Variants in XXYLT1 observed in about 807,000 individuals in gnomAD.
XXYLT1 encodes the protein xyloside xylosyltransferase 1, also known as UDP-xylose:alpha-xyloside alpha-1,3-xylosyltransferase.
XXYLT1 carries 20 observed loss-of-function variants against 28.9 expected under a neutral mutation model. The ratio of observed to expected loss-of-function variants is 0.69; its 90% CI spans 0.49 to 1.00. The LOEUF is 1.00. XXYLT1 is among the 50% of genes least tolerant of loss of function. The pLI is 0.00. For missense variants in XXYLT1, 542 were observed against 560.1 expected, an observed-to-expected ratio of 0.97 and a Z score of 0.33; for synonymous variants, 257 against 253.8, an observed-to-expected ratio of 1.01 and a Z score of -0.12.
intron 2 of XXYLT1, 57 bp downstream of exon 2, chr3:195,226,652 G>C (rs188336707): frequency 1.3e-6 from 2 of 1,584,448 alleles, no homozygotes; most frequent in East Asian, 4.5e-5. Flanking sequence ...TGGAACCAGG[G>C]AAATGGATGC....
intron 3 of XXYLT1, among the ~76,000 whole-genome samples, chr3:195,082,885 C>T (rs1715515815): frequency 6.6e-6 from 1 of 152,120 alleles, no homozygotes; most frequent in Non-Finnish European, 1.5e-5. Context: ...TAAGGCACCC[C>T]CCCTGCCAAG....
chr3:195,250,645 C>T (rs1725216445), intron 1 of XXYLT1, among the ~76,000 whole-genome samples: 1 of 151,954 alleles, frequency 6.6e-6, no homozygotes, highest in African/African-American at 2.4e-5. Context: ...ATGTACTCAC[C>T]TGCTAACATA....
At chr3:195,110,982 G>A (rs1451923803) in intron 3 of XXYLT1, among the ~76,000 whole-genome samples, 1 of 147,670 alleles carries the variant, frequency 6.8e-6, no homozygotes, top group African/African-American at 2.5e-5. Flanking sequence ...TTCTAGGGCT[G>A]CCACGACAAA....
At chr3:195,189,061 A>G (rs536360864) in intron 2 of XXYLT1, among the ~76,000 whole-genome samples, 4 of 152,328 alleles carry the variant, frequency 2.6e-5, no homozygotes, top group African/African-American at 9.6e-5. Context: ...CAGTCCCTAC[A>G]CTGAGTGATT....
chr3:195,202,278 T>C (rs1342435609), intron 2 of XXYLT1, among the ~76,000 whole-genome samples: 4 of 151,656 alleles, frequency 2.6e-5, no homozygotes, highest in South Asian at 2.1e-4. Flanking sequence ...CAAAGAACTA[T>C]AGAGACACTG....
rs552603967 is a variant in XXYLT1, at chr3:195,258,584, G to A, written c.504+11971C>T. Among the ~76,000 whole-genome samples, 48 of 152,324 alleles carry A rather than the reference G, an allele frequency of 3.2e-4. No homozygotes were observed. The South Asian group carries it at 4.4e-3, about 14-fold the overall frequency. ...AAGACTACAAAGGCTTCATCATCCT[G>A]ACAAGCAGCAGCTCCCACTCCAGAG... On this transcript the variant is annotated intron_variant, in intron 1 of 3. Coordinates refer to ENST00000310380, the MANE Select transcript of XXYLT1 (RefSeq NM_152531.5).
intron 1 of XXYLT1, chr3:195,259,626 A>C: frequency 1.0e-6 from 1 of 985,464 alleles, no homozygotes; most frequent in Non-Finnish European, 1.2e-6. Flanking sequence ...CGCGTGCGAC[A>C]GGCCTGTAAG....
rs1323570540 is a variant in XXYLT1 at position 195,270,867 on chromosome 3, G to A, written c.192C>T (p.Ala64=). The A allele has an allele frequency of 7.1e-7, 1 of 1,410,638 alleles. No individual in the cohort carries two copies. Among genetic ancestry groups the A allele is most frequent in the African/African-American group, 1.5e-5 (1 of 65,990 alleles). 87.4% of individuals were successfully genotyped at this position (1,410,638 alleles called of 1,614,324 possible). ...RLKEARAGAP[A]APSPPALELA... Reference sequence around the variant, plus strand: ...GCTCCAGCGCGGGCGGCGAGGGCGCGGCGGGAGCCCCGGCGCGGGCCTCCT... The same window carrying A: ...GCTCCAGCGCGGGCGGCGAGGGCGCAGCGGGAGCCCCGGCGCGGGCCTCCT... Residue 64 remains alanine (A), a synonymous_variant, in exon 1 of 4, where the codon GCC becomes GCT. Coordinates refer to ENST00000310380, the MANE Select transcript of XXYLT1 (RefSeq NM_152531.5).
chr3:195,084,817 A>G (rs2108652040), intron 3 of XXYLT1, among the ~76,000 whole-genome samples: 1 of 152,314 alleles, frequency 6.6e-6, no homozygotes, highest in East Asian at 1.9e-4. Flanking sequence ...TGAATCACAC[A>G]GACACCCTCA....
intron 2 of XXYLT1, among the ~76,000 whole-genome samples, chr3:195,164,288 C>T (rs2108699048): frequency 6.6e-6 from 1 of 152,328 alleles, no homozygotes; most frequent in Non-Finnish European, 1.5e-5. Flanking sequence ...GATCCCCTTT[C>T]CCTGTTCATG....
At chr3:195,196,827 A>C (rs1220281368) in intron 2 of XXYLT1, among the ~76,000 whole-genome samples, 1 of 152,234 alleles carries the variant, frequency 6.6e-6, no homozygotes, top group Non-Finnish European at 1.5e-5. Context: ...CTGGCTATCA[A>C]TGTTGGCTGA....
chr3:195,248,344 G>C (rs770761224), intron 1 of XXYLT1, among the ~76,000 whole-genome samples: 1 of 152,180 alleles, frequency 6.6e-6, no homozygotes, highest in Non-Finnish European at 1.5e-5. Context: ...CACCTGCTGT[G>C]GGAGGGACTG....
intron 2 of XXYLT1, among the ~76,000 whole-genome samples, chr3:195,181,619 G>A (rs1196034708): frequency 4.6e-5 from 7 of 152,152 alleles, no homozygotes; most frequent in African/African-American, 1.7e-4. Flanking sequence ...CGAGATAGGT[G>A]TATTTCCATG....
chr3:195,132,126 A>G (rs1347844527), intron 3 of XXYLT1, among the ~76,000 whole-genome samples: 1 of 152,246 alleles, frequency 6.6e-6, no homozygotes. Context: ...CACACCGCTA[A>G]GGCCTGAAGC....
At chr3:195,134,607 C>T (rs1451593815) in intron 3 of XXYLT1, 2 of 155,908 alleles carry the variant, frequency 1.3e-5, no homozygotes, top group Non-Finnish European at 2.9e-5. Context: ...TGAATCAGCA[C>T]ACACATTTGT....
At chr3:195,199,158 G>A (rs958425503) in intron 2 of XXYLT1, among the ~76,000 whole-genome samples, 1 of 151,740 alleles carries the variant, frequency 6.6e-6, no homozygotes, top group Non-Finnish European at 1.5e-5. Context: ...AGCATGGCCC[G>A]CAGGAGAGGC....
intron 2 of XXYLT1, among the ~76,000 whole-genome samples, chr3:195,186,747 C>A (rs1722213014): frequency 6.6e-6 from 1 of 152,040 alleles, no homozygotes; most frequent in Non-Finnish European, 1.5e-5. Context: ...CAGAGACCGA[C>A]CCCATCTGTT....
At position 195,180,364 on chromosome 3, in the gene XXYLT1, C is replaced by T; in HGVS notation, c.653-23783G>A. 1.0e-6 allele frequency: 1 copy of T among 985,296 alleles called. No individual in the cohort carries two copies. Among genetic ancestry groups the T allele is most frequent in the Middle Eastern group, 5.2e-4 (1 of 1,916 alleles). The allele number at this position is 985,296 out of a possible 1,614,324, so 61.0% of individuals were successfully genotyped here. On this transcript the variant is annotated intron_variant, in intron 2 of 3. Coordinates refer to ENST00000310380, the MANE Select transcript of XXYLT1 (RefSeq NM_152531.5). The surrounding 1 kb of genome is among the most constrained non-coding windows in gnomAD (Gnocchi z 5.8). ...ACAAAGGTCTGGATGGTTTATCCCC[C>T]TGGCCCGCCTGGCCCTCAAGACACA...
chr3:195,260,525 C>T (rs1725660760), intron 1 of XXYLT1, among the ~76,000 whole-genome samples: 1 of 152,238 alleles, frequency 6.6e-6, no homozygotes, highest in Admixed American at 6.5e-5. Context: ...GGAGGTCGGA[C>T]TGCATCCTCC....
Sources: allele counts gnomAD v4.1 joint callset (sites outside exome capture counted in the v4.1 genomes callset), GRCh38; gene constraint gnomAD v4.1.1; non-coding constraint Gnocchi (gnomAD v3.1); transcripts MANE v1.5; gene names NCBI Gene and HGNC (gene_info 2026-07-23, HGNC 2026-07-21).